EFNA4: variants seen among roughly 807,000 people sequenced by gnomAD.
EFNA4 encodes the protein ephrin A4.
In EFNA4, 22 loss-of-function variants were observed where a neutral mutation model predicts 23.7. That is an observed-to-expected ratio of 0.93 (90% CI 0.66 to 1.32). EFNA4 has a LOEUF of 1.32. Among genes scored for constraint, EFNA4 ranks in the 40% most tolerant of loss-of-function variants. The pLI, the probability that EFNA4 is intolerant of heterozygous loss-of-function variation, is 0.00. For missense variants in EFNA4, 252 were observed against 252.3 expected (o/e 1.00, Z 0.01); for synonymous variants, 113 against 108.3 (o/e 1.04, Z -0.27).
At chr1:155,066,594 G>A in intron 1 of EFNA4, 136 bp from the exon 2 acceptor site, 1 of 1,040,432 alleles carries the variant, frequency 9.6e-7, no homozygotes, top group Non-Finnish European at 1.4e-6. Context: ...GGGAACCTCG[G>A]GCCTTCCTGA....
chr1:155,068,542 A>G (rs1198098797), intron 3 of EFNA4, among the ~76,000 whole-genome samples: 1 of 144,716 alleles, frequency 6.9e-6, no homozygotes, highest in East Asian at 2.1e-4. Flanking sequence ...TCAGCCTTAC[A>G]AAGTGCTAGG....
intron 1 of EFNA4, 67 bp from the exon 2 acceptor site, chr1:155,066,663 C>T: frequency 6.6e-7 from 1 of 1,507,072 alleles, no homozygotes; most frequent in Non-Finnish European, 8.9e-7. Context: ...GAAGGGGTGT[C>T]TCTGGCATCC....
At chr1:155,064,647 G>C (rs1662954135) in intron 1 of EFNA4, among the ~76,000 whole-genome samples, 1 of 152,116 alleles carries the variant, frequency 6.6e-6, no homozygotes, top group Non-Finnish European at 1.5e-5. Flanking sequence ...GCCTGCCTTT[G>C]AACCTTAGTA....
At position 155,069,342 on chromosome 1, in the gene EFNA4, G is replaced by A. The variant is rs374633006; in HGVS notation, c.*353G>A. On this transcript the variant is annotated 3_prime_UTR_variant, in exon 4 of 4. Transcript: ENST00000368409. ...CAGGCTGAAGACCTGGGGACAGGTC[G>A]ATTGCTGGACCAGGGCAAAGAAGAA... 24 of 715,170 alleles carry A rather than the reference G, an allele frequency of 3.4e-5. 1 individual carries two copies. In the South Asian group the frequency reaches 4.3e-4, roughly 13 times the overall value. 44.3% of individuals were successfully genotyped at this position (715,170 alleles called of 1,614,324 possible).
Position 155,069,239 on chromosome 1 carries a change from G to C in EFNA4, c.*250G>C, listed in dbSNP as rs1404452992. ...CAAGACAAACACAGGCGCTTTGCAGGCTGCTCTGAGGGTCTCAGCCCATCC... is the reference window on the plus strand; with the variant it reads ...CAAGACAAACACAGGCGCTTTGCAGCCTGCTCTGAGGGTCTCAGCCCATCC... On this transcript the variant is annotated 3_prime_UTR_variant, in exon 4 of 4. Transcript: ENST00000368409. 10 of 1,505,352 alleles carry C rather than the reference G, an allele frequency of 6.6e-6. No individual in the cohort carries two copies. In the Admixed American group the frequency reaches 1.8e-4, roughly 28 times the overall value. The allele number at this position is 1,505,352 out of a possible 1,614,324, so 93.2% of individuals were successfully genotyped here. A position where few individuals can be genotyped will look rare whatever the true frequency, so the allele number is the denominator to read the frequency against.
chr1:155,065,593 A>T (rs1662998638), intron 1 of EFNA4, among the ~76,000 whole-genome samples: 1 of 147,520 alleles, frequency 6.8e-6, no homozygotes, highest in South Asian at 2.1e-4. Context: ...CCCAGGCTGT[A>T]GTGCGGTGGC....
In EFNA4 at chr1:155,063,900, T is replaced by G. The variant is rs1232431969; in HGVS notation, c.77T>G (p.Leu26Arg). 3 of 1,568,188 alleles carry G rather than the reference T, an allele frequency of 1.9e-6. No individual in the cohort carries two copies. Among genetic ancestry groups the G allele is most frequent in the Non-Finnish European group, 2.6e-6 (3 of 1,158,524 alleles). ...LGSPLRGGSS[L>R]RHVVYWNSSN... is the part of the protein sequence containing the mutation. ...TCCCCTCTGCGCGGGGGCTCCAGCC[T>G]CCGCCACGTAGTCTACTGGAACTCC... Residue 26 changes from leucine (L) to arginine (R), a missense_variant, in exon 1 of 4, where the codon CTC becomes CGC. Coordinates refer to ENST00000368409, the MANE Select transcript of EFNA4 (RefSeq NM_005227.3). The surrounding 1 kb of genome is among the most constrained non-coding windows in gnomAD (Gnocchi z 4.1).
At position 155,069,287 on chromosome 1, in the gene EFNA4, A is replaced by G; in HGVS notation, c.*298A>G. 1.6e-6 allele frequency: 2 copies of G among 1,258,650 alleles called. No homozygotes were observed. Among genetic ancestry groups the G allele is most frequent in the Non-Finnish European group, 2.1e-6 (2 of 935,068 alleles). The allele number at this position is 1,258,650 out of a possible 1,614,324, so 78.0% of individuals were successfully genotyped here. A position where few individuals can be genotyped will look rare whatever the true frequency, so the allele number is the denominator to read the frequency against. Reference sequence around the variant, plus strand: ...TCCCCCAGGAGGACTGGGATTTGGTATGATCAAATCCTCAAGCCAGCTGGG... The same window carrying G: ...TCCCCCAGGAGGACTGGGATTTGGTGTGATCAAATCCTCAAGCCAGCTGGG... On this transcript the variant is annotated 3_prime_UTR_variant, in exon 4 of 4. Coordinates refer to ENST00000368409, the MANE Select transcript of EFNA4 (RefSeq NM_005227.3).
intron 2 of EFNA4, 72 bp from the exon 3 acceptor site, chr1:155,067,300 G>T (rs1663075446): frequency 1.9e-6 from 3 of 1,556,136 alleles, no homozygotes; most frequent in African/African-American, 1.4e-5. Flanking sequence ...ACCTGGGAGG[G>T]TCTGAAACAG....
Position 155,067,369 on chromosome 1 carries a change from C to T in EFNA4, c.401-3C>T. 6.2e-7 allele frequency: 1 copy of T among 1,614,196 alleles called. No individual in the cohort carries two copies. The highest frequency in any genetic ancestry group is 2.2e-5 in the East Asian group (1 of 44,878). ...AACTTTTTCCCACTTTCCCACTACC[C>T]AGCGGTGCCCACTCCAGAGAGTTCT... On this transcript the variant is annotated splice_region_variant and splice_polypyrimidine_tract_variant and intron_variant, in intron 2 of 3. Transcript: ENST00000368409.
At chr1:155,064,224 G>GC (rs1286615295) in intron 1 of EFNA4, among the ~76,000 whole-genome samples, 3 of 152,206 alleles carry the variant, frequency 2.0e-5, no homozygotes, top group Admixed American at 2.0e-4. Context: ...TCCGGGCTCC[G>GC]CCCCCCTCGC....
intron 1 of EFNA4, among the ~76,000 whole-genome samples, chr1:155,065,585 C>T (rs553296512): frequency 6.6e-6 from 1 of 150,800 alleles, no homozygotes; most frequent in South Asian, 2.1e-4. Context: ...CTCTGTCACC[C>T]AGGCTGTAGT....
rs1219627836 is a variant in EFNA4, at chr1:155,069,300, C to T, written c.*311C>T. On this transcript the variant is annotated 3_prime_UTR_variant, in exon 4 of 4. Coordinates refer to ENST00000368409, the MANE Select transcript of EFNA4 (RefSeq NM_005227.3). The stretch of plus-strand genomic sequence containing the variant: ...CTGGGATTTGGTATGATCAAATCCT[C>T]AAGCCAGCTGGGGGCCCAGGCTGAA... 4 of 1,132,910 alleles carry T rather than the reference C, an allele frequency of 3.5e-6. No homozygotes were observed. In the African/African-American group the frequency reaches 6.4e-5, roughly 18 times the overall value. The allele number at this position is 1,132,910 out of a possible 1,614,324, so 70.2% of individuals were successfully genotyped here.
chr1:155,065,742 T>C (rs1452793739), intron 1 of EFNA4, among the ~76,000 whole-genome samples: 2 of 122,978 alleles, frequency 1.6e-5, no homozygotes, highest in African/African-American at 5.7e-5. Context: ...ATTTATTTAT[T>C]TATTTTTTGA....
chr1:155,067,286 G>C (rs1180185005), intron 2 of EFNA4, 86 bp from the exon 3 acceptor site: 2 of 1,518,158 alleles, frequency 1.3e-6, no homozygotes, highest in African/African-American at 2.8e-5. Context: ...CTGGAGAGAA[G>C]AAAACCTGGG....
At chr1:155,067,135 G>C in intron 2 of EFNA4, 119 bp downstream of exon 2, 2 of 1,293,516 alleles carry the variant, frequency 1.5e-6, no homozygotes, top group Non-Finnish European at 2.1e-6. Context: ...TGAGGTATGG[G>C]CTGAACTCAG....
At chr1:155,064,058 G>C (rs1263059810) in intron 1 of EFNA4, 122 bp downstream of exon 1, 3 of 632,168 alleles carry the variant, frequency 4.7e-6, no homozygotes, top group East Asian at 4.3e-5. Context: ...GGGCTCCTTT[G>C]TTTGAGCCGG....
At chr1:155,068,376 C>G (rs2102444814) in intron 3 of EFNA4, among the ~76,000 whole-genome samples, 1 of 150,522 alleles carries the variant, frequency 6.6e-6, no homozygotes, top group Non-Finnish European at 1.5e-5. Flanking sequence ...AGCAATTCTC[C>G]TGCCTCAGTA....
intron 1 of EFNA4, among the ~76,000 whole-genome samples, chr1:155,064,429 T>G (rs1362760569): frequency 6.6e-6 from 1 of 152,236 alleles, no homozygotes; most frequent in Non-Finnish European, 1.5e-5. Flanking sequence ...TTGGTCCTTC[T>G]GTTTCTTTCC....
Sources: allele counts gnomAD v4.1 joint callset (sites outside exome capture counted in the v4.1 genomes callset), GRCh38; gene constraint gnomAD v4.1.1; non-coding constraint Gnocchi (gnomAD v3.1); transcripts MANE v1.5; gene names NCBI Gene and HGNC (gene_info 2026-07-23, HGNC 2026-07-21).